TRPC4: variants seen among roughly 807,000 people sequenced by gnomAD.
TRPC4 encodes the protein transient receptor potential cation channel subfamily C member 4, also known as short transient receptor potential channel 4.
In TRPC4, 49 loss-of-function variants were observed where a neutral mutation model predicts 99.4. The observed-to-expected ratio is 0.49, with a 90% confidence interval of 0.39 to 0.63. TRPC4 has a LOEUF of 0.63. TRPC4 is among the 20% of genes least tolerant of loss of function. The pLI, the probability that TRPC4 is intolerant of heterozygous loss-of-function variation, is 0.00. For synonymous variants in TRPC4, 454 were observed against 425.9 expected (o/e 1.07, Z -0.81); for missense variants, 898 against 1,152.9 (o/e 0.78, Z 3.20).
At chr13:37,772,102 A>G (rs1956565159) in intron 2 of TRPC4, among the ~76,000 whole-genome samples, 1 of 151,734 alleles carries the variant, frequency 6.6e-6, no homozygotes. Flanking sequence ...TACAACAGCA[A>G]TTGGAAACTC....
At chr13:37,743,482 AAC>A (rs1206998045) in intron 3 of TRPC4, among the ~76,000 whole-genome samples, 2 of 152,152 alleles carry the variant, frequency 1.3e-5, no homozygotes, top group Non-Finnish European at 2.9e-5. Flanking sequence ...AAGCAAAGAA[AAC>A]ACGTTCAGTA....
In TRPC4 at chr13:37,732,885, G is replaced by A. The variant is rs1955282711; in HGVS notation, c.897+13052C>T. On this transcript the variant is annotated intron_variant, in intron 3 of 10. Transcript: ENST00000379705. ...TAATATAATTAAAAATGATCTTACT[G>A]CCTGAAGCAACTACGGATTCAACTA... 2.0e-5 allele frequency among the ~76,000 whole-genome samples: 3 copies of A among 152,138 alleles called. No individual in the cohort carries two copies. In the South Asian group the frequency reaches 6.2e-4, roughly 31 times the overall value.
intron 1 of TRPC4, among the ~76,000 whole-genome samples, chr13:37,810,251 A>G (rs1056319316): frequency 6.6e-6 from 1 of 152,082 alleles, no homozygotes; most frequent in African/African-American, 2.4e-5. Flanking sequence ...AAATTAAGAT[A>G]CAATGTTATT....
Position 37,692,047 on chromosome 13 carries a change from C to T in TRPC4, c.1186G>A (p.Gly396Ser), listed in dbSNP as rs1953729954. The change falls in exon 4 of 11, where the codon GGT (glycine) becomes AGT (serine). Residue 396 changes from glycine to serine, a missense_variant. Physicochemically the swap from Gly to Ser is moderately conservative, Grantham distance 56. Around this residue, in one of 3 missense-constraint regions of TRPC4, gnomAD observed 274 missense variants for 454.9 expected, o/e 0.60. Transcript: ENST00000379705. ...CACTCGACGATGGTTGGTGGTGGAC[C>T]TTGCCTGTTCAAGTCTGACCTGTCG... ...HIDRSDLNRQ[G>S]PPPTIVEWMI... The T allele has an allele frequency of 6.2e-7, 1 of 1,613,042 alleles. No homozygotes were observed. The highest frequency in any genetic ancestry group is 1.1e-5 in the South Asian group (1 of 90,910).
chr13:37,831,425 C>T (rs1051767220), intron 1 of TRPC4, among the ~76,000 whole-genome samples: 20 of 152,066 alleles, frequency 1.3e-4, no homozygotes, highest in East Asian at 1.9e-4. Context: ...AATCCTCATA[C>T]GCTGTTGTTG....
chr13:37,654,737 G>A (rs951210372), intron 7 of TRPC4, among the ~76,000 whole-genome samples: 18 of 152,120 alleles, frequency 1.2e-4, no homozygotes, highest in African/African-American at 4.3e-4. Context: ...TTATATGAGA[G>A]TGGTAGGTTA....
chr13:37,663,693 A>G lies in TRPC4; in HGVS notation c.1411T>C (p.Trp471Arg). 1.9e-6 allele frequency: 3 copies of G among 1,614,116 alleles called. No homozygotes were observed. The highest frequency in any genetic ancestry group is 2.5e-6 in the Non-Finnish European group (3 of 1,179,968). ...GCCTCTGCCACCAGAGTGGGATGCC[A>G]CATGTCCCATGATTCTCGTGGATTA... ...ALNPRESWDMWHPTLVAEALF... is the reference protein window; with the variant it reads ...ALNPRESWDMRHPTLVAEALF... The change falls in exon 6 of 11, where the codon TGG becomes CGG. Residue 471 changes from tryptophan to arginine, a missense_variant. Physicochemically the swap from Trp to Arg is moderately radical, Grantham distance 101 (BLOSUM62 -3). Around this residue, in one of 3 missense-constraint regions of TRPC4, gnomAD observed 274 missense variants for 454.9 expected, o/e 0.60. Coordinates refer to ENST00000379705, the MANE Select transcript of TRPC4 (RefSeq NM_016179.4).
At position 37,829,502 on chromosome 13, in the gene TRPC4, G is replaced by A. The variant is rs143822496; in HGVS notation, c.-28+40093C>T. The stretch of plus-strand genomic sequence containing the variant: ...TAGCAAGTGTTGGTAAGGACGAGGC[G>A]AAATGGGAATCTTTGTGCATTGCTG... On this transcript the variant is annotated intron_variant, in intron 1 of 10. Coordinates refer to ENST00000379705, the MANE Select transcript of TRPC4 (RefSeq NM_016179.4). Among the ~76,000 whole-genome samples the A allele has an allele frequency of 2.3e-3, 353 of 152,260 alleles. 1 individual carries two copies. Among genetic ancestry groups the A allele is most frequent in the South Asian group, 4.1e-3 (20 of 4,828 alleles).
intron 1 of TRPC4, among the ~76,000 whole-genome samples, chr13:37,821,078 T>C (rs550685876): frequency 6.6e-6 from 1 of 152,016 alleles, no homozygotes; most frequent in Non-Finnish European, 1.5e-5. Flanking sequence ...GATAAACAAC[T>C]TCAGCAAAGT....
rs147990959 is a variant in TRPC4 at position 37,838,091 on chromosome 13, G to GT, written c.-28+31503dup. 4.8e-3 allele frequency among the ~76,000 whole-genome samples: 730 copies of GT among 152,254 alleles called. 5 individuals are homozygous for GT. The highest frequency in any genetic ancestry group is 0.016 in the African/African-American group (676 of 41,548). On this transcript the variant is annotated intron_variant, in intron 1 of 10. Transcript: ENST00000379705. The stretch of plus-strand genomic sequence containing the variant: ...GAGGCTTCCCCAGCCACATGGAACC[G>GT]TAAGTCCATTAAACCTACTTCTTTT...
intron 2 of TRPC4, among the ~76,000 whole-genome samples, chr13:37,760,523 A>G (rs1201716391): frequency 6.6e-6 from 1 of 151,956 alleles, no homozygotes; most frequent in Non-Finnish European, 1.5e-5. Flanking sequence ...AATAGTAAGG[A>G]GGATGAGTGC....
At chr13:37,695,357 C>T (rs1390377887) in intron 3 of TRPC4, among the ~76,000 whole-genome samples, 1 of 152,158 alleles carries the variant, frequency 6.6e-6, no homozygotes, top group African/African-American at 2.4e-5. Context: ...CAGTGGCCAC[C>T]AGTACATTCC....
chr13:37,695,215 C>T (rs1371646491), intron 3 of TRPC4, among the ~76,000 whole-genome samples: 1 of 151,946 alleles, frequency 6.6e-6, no homozygotes, highest in Admixed American at 6.6e-5. Flanking sequence ...ACCCTCACTC[C>T]CTTCCTCTCC....
At chr13:37,838,528 T>C (rs1015120110) in intron 1 of TRPC4, among the ~76,000 whole-genome samples, 21 of 152,200 alleles carry the variant, frequency 1.4e-4, no homozygotes, top group African/African-American at 4.8e-5. Context: ...ATAAATACTG[T>C]CTTGCACTTA....
At chr13:37,789,707 T>G (rs1219534689) in intron 1 of TRPC4, among the ~76,000 whole-genome samples, 1 of 152,114 alleles carries the variant, frequency 6.6e-6, no homozygotes, top group Non-Finnish European at 1.5e-5. Context: ...TGCCTGTTTT[T>G]CTTTTCTGCA....
At chr13:37,652,746 T>C (rs1952094213) in intron 7 of TRPC4, among the ~76,000 whole-genome samples, 1 of 1,664 alleles carries the variant, frequency 6.0e-4, no homozygotes, top group African/African-American at 1.5e-3. Context: ...CTCAAGGAAA[T>C]AAAAAGGCAA....
chr13:37,679,310 G>T (rs1042791742), intron 4 of TRPC4, among the ~76,000 whole-genome samples: 1 of 152,040 alleles, frequency 6.6e-6, no homozygotes, highest in African/African-American at 2.4e-5. Context: ...AAAAGTTAGT[G>T]TTATAACTTA....
At chr13:37,829,563 C>T (rs1958351271) in intron 1 of TRPC4, among the ~76,000 whole-genome samples, 1 of 152,172 alleles carries the variant, frequency 6.6e-6, no homozygotes, top group South Asian at 2.1e-4. Flanking sequence ...GTTGGATCAG[C>T]CACTTTGGGA....
chr13:37,684,561 G>T (rs1953391153), intron 4 of TRPC4, among the ~76,000 whole-genome samples: 1 of 152,040 alleles, frequency 6.6e-6, no homozygotes, highest in African/African-American at 2.4e-5. Flanking sequence ...AAACTAAGAA[G>T]TAGAATGCTT....
Sources: allele counts gnomAD v4.1 joint callset (sites outside exome capture counted in the v4.1 genomes callset), GRCh38; gene constraint gnomAD v4.1.1; regional missense constraint gnomAD v4.1.1; transcripts MANE v1.5; gene names NCBI Gene and HGNC (gene_info 2026-07-23, HGNC 2026-07-21).